NFATC2: variants seen among roughly 807,000 people sequenced by gnomAD.
NFATC2 encodes nuclear factor of activated T-cells, cytoplasmic 2.
A neutral mutation model predicts 87.3 loss-of-function variants in NFATC2; 22 were observed. The ratio of observed to expected loss-of-function variants is 0.25; its 90% confidence interval spans 0.18 to 0.36. The LOEUF is 0.36. NFATC2 is among the 10% of genes least tolerant of loss of function. NFATC2 has a pLI of 1.00. For missense variants in NFATC2, 1,149 were observed against 1,259.1 expected (o/e 0.91, Z 1.32); for synonymous variants, 565 against 542.2 (o/e 1.04, Z -0.58).
At chr20:51,477,870 T>C (rs1030719891) in intron 3 of NFATC2, among the ~76,000 whole-genome samples, 32 of 152,258 alleles carry the variant, frequency 2.1e-4, no homozygotes, top group Admixed American at 5.2e-4. Context: ...ACCACATGTA[T>C]ATATTAATTA....
At chr20:51,561,476 AAAGAAAGAAAGCAAGCAAGCAAGC>A (rs1306517939) in intron 1 of NFATC2, among the ~76,000 whole-genome samples, 405 of 132,006 alleles carry the variant, frequency 3.1e-3, no homozygotes, top group African/African-American at 5.5e-3. Flanking sequence ...AGAAAGAAAG[AAAGAAAGAAAGCAAGCAAGCAAGC>A]AAGCAAGCAA....
intron 10 of NFATC2, among the ~76,000 whole-genome samples, chr20:51,396,353 G>GAAAACAACCCAGAGGTATTAATACT (rs1274240726): frequency 6.6e-6 from 1 of 152,032 alleles, no homozygotes; most frequent in Non-Finnish European, 1.5e-5. Context: ...ATTACATGGG[G>GAAAACAACCCAGAGGTATTAATACT]AAAACAACCC....
chr20:51,512,541 C>T (rs941088877), intron 3 of NFATC2, among the ~76,000 whole-genome samples: 3 of 152,106 alleles, frequency 2.0e-5, no homozygotes, highest in Non-Finnish European at 4.4e-5. Flanking sequence ...CTGACAAGCA[C>T]TTAAGGTTTG....
chr20:51,530,317 C>T (rs139199436), intron 1 of NFATC2, among the ~76,000 whole-genome samples: 1 of 152,128 alleles, frequency 6.6e-6, no homozygotes, highest in Non-Finnish European at 1.5e-5. Context: ...CAGGTGACCA[C>T]TACCATGCCC....
At chr20:51,514,732 G>C (rs995793165) in intron 3 of NFATC2, among the ~76,000 whole-genome samples, 4 of 152,102 alleles carry the variant, frequency 2.6e-5, no homozygotes, top group African/African-American at 9.7e-5. Flanking sequence ...AATTAACCAG[G>C]CATGGTGGCG....
chr20:51,395,811 G>C (rs1285673454), intron 10 of NFATC2, among the ~76,000 whole-genome samples: 1 of 151,422 alleles, frequency 6.6e-6, no homozygotes, highest in African/African-American at 2.4e-5. Flanking sequence ...AATGGCTATA[G>C]ACACAAAATG....
intron 3 of NFATC2, among the ~76,000 whole-genome samples, chr20:51,481,510 G>C (rs1432131335): frequency 2.6e-5 from 4 of 152,134 alleles, no homozygotes; most frequent in Non-Finnish European, 5.9e-5. Context: ...AAAGTTTTCT[G>C]CTTCTTGTAA....
chr20:51,498,020 A>G (rs2076017672), intron 3 of NFATC2, among the ~76,000 whole-genome samples: 1 of 152,216 alleles, frequency 6.6e-6, no homozygotes, highest in Admixed American at 6.5e-5. Context: ...CTTAATCATC[A>G]TAAAACTAAC....
At chr20:51,393,606 C>T (rs1019406960) in intron 10 of NFATC2, among the ~76,000 whole-genome samples, 3 of 152,308 alleles carry the variant, frequency 2.0e-5, no homozygotes, top group Non-Finnish European at 4.4e-5. Context: ...TAAGGACTGT[C>T]AGCCCAGACC....
chr20:51,557,471 G>A (rs2076988507), intron 1 of NFATC2, among the ~76,000 whole-genome samples: 1 of 152,226 alleles, frequency 6.6e-6, no homozygotes, highest in Non-Finnish European at 1.5e-5. Context: ...CACTCAGTGA[G>A]TGGTGGCTGC....
chr20:51,493,719 G>T (rs531556053), intron 3 of NFATC2, among the ~76,000 whole-genome samples: 3 of 152,096 alleles, frequency 2.0e-5, no homozygotes, highest in Admixed American at 6.6e-5. Context: ...GAACAGAGTC[G>T]ATCACATTGA....
At position 51,406,775 on chromosome 20, in the gene NFATC2, T is replaced by A. The variant is rs1382457684; in HGVS notation, c.2723-8045A>T. Among the ~76,000 whole-genome samples, 4 of 152,220 alleles carry A rather than the reference T, an allele frequency of 2.6e-5. 1 individual carries two copies. Among genetic ancestry groups the A allele is most frequent in the Admixed American group, 2.6e-4 (4 of 15,298 alleles). ...CATCCTCTCTAGAGAGGGTGTGACA[T>A]CTTAGCTCCATAGCGGCGCCTGTCT... On this transcript the variant is annotated intron_variant, in intron 9 of 10. Transcript: ENST00000371564.
Position 51,524,380 on chromosome 20 carries a change from C to T in NFATC2, c.131-270G>A, listed in dbSNP as rs73615400. Among the ~76,000 whole-genome samples, 13,024 of 152,074 alleles carry T rather than the reference C, an allele frequency of 0.086. 839 individuals carry two copies. The highest frequency in any genetic ancestry group is 0.36 in the East Asian group (1,838 of 5,144). ...AAACTTGGCTTTAAATGAAACCCTT[C>T]GGAGAAGTGCACTTTATCTCACAAC... On this transcript the variant is annotated intron_variant, in intron 1 of 10. Coordinates refer to ENST00000371564, the MANE Select transcript of NFATC2 (RefSeq NM_012340.5). The surrounding 1 kb of genome is among the most constrained non-coding windows in gnomAD (Gnocchi z 4.0).
chr20:51,461,648 C>T lies in NFATC2; in HGVS notation c.1709-6960G>A, dbSNP rs374146929. Among the ~76,000 whole-genome samples the T allele has an allele frequency of 3.1e-4, 48 of 152,386 alleles. No homozygotes were observed. In the South Asian group the frequency reaches 7.5e-3, roughly 24 times the overall value. On this transcript the variant is annotated intron_variant, in intron 5 of 10. Coordinates refer to ENST00000371564, the MANE Select transcript of NFATC2 (RefSeq NM_012340.5). The stretch of plus-strand genomic sequence containing the variant: ...GCAAAGGTTCAGCGAAGAAAACTGA[C>T]ACCGGCACAGGGTTCCCCCACATCG...
At chr20:51,455,892 ATGGGTGGGTGGGTGGG>A (rs1316176775) in intron 5 of NFATC2, among the ~76,000 whole-genome samples, 9 of 3,304 alleles carry the variant, frequency 2.7e-3, no homozygotes, top group African/African-American at 6.0e-3. Context: ...GGATGAGTGG[ATGGGTGGGTGGGTGGG>A]TGGGTGGGTG....
At chr20:51,562,716 C>G, upstream of NFATC2, 1 of 1,343,586 alleles carries the variant, frequency 7.4e-7, no homozygotes. This position sits in a 1 kb window ranked among gnomAD's most constrained non-coding sequence, Gnocchi z 5.8. Context: ...TCTTCTCTAC[C>G]GCGTGCCCGC....
chr20:51,458,238 A>T (rs1000827007), intron 5 of NFATC2, among the ~76,000 whole-genome samples: 4 of 152,140 alleles, frequency 2.6e-5, no homozygotes, highest in African/African-American at 9.7e-5. Flanking sequence ...GGAGCTGGGT[A>T]ATTCTTTGTT....
At chr20:51,505,972 T>G (rs973892300) in intron 3 of NFATC2, among the ~76,000 whole-genome samples, 1 of 152,112 alleles carries the variant, frequency 6.6e-6, no homozygotes, top group Non-Finnish European at 1.5e-5. Flanking sequence ...TATCTTGAGC[T>G]CTCATCGCAG....
intron 3 of NFATC2, among the ~76,000 whole-genome samples, chr20:51,479,255 C>T (rs1316767204): frequency 6.6e-6 from 1 of 152,190 alleles, no homozygotes; most frequent in East Asian, 1.9e-4. Flanking sequence ...GTGAGTTTCA[C>T]AGCAGTAGGG....
Sources: allele counts gnomAD v4.1 joint callset (sites outside exome capture counted in the v4.1 genomes callset), GRCh38; gene constraint gnomAD v4.1.1; non-coding constraint Gnocchi (gnomAD v3.1); transcripts MANE v1.5; gene names NCBI Gene and HGNC (gene_info 2026-07-23, HGNC 2026-07-21).